IL1RAPL2: variants seen among roughly 807,000 people sequenced by gnomAD.
IL1RAPL2 encodes interleukin 1 receptor accessory protein like 2.
In IL1RAPL2, 3 loss-of-function variants were observed where a neutral mutation model predicts 44.1. That is an observed-to-expected ratio of 0.07 (90% CI 0.03 to 0.18). IL1RAPL2 has a LOEUF of 0.18. Among genes scored for constraint, IL1RAPL2 ranks in the 10% least tolerant of loss-of-function variants. The pLI is 1.00. For missense variants in IL1RAPL2, 391 were observed against 496.4 expected (o/e 0.79, Z 2.02); for synonymous variants, 181 against 178.8 (o/e 1.01, Z -0.10).
intron 2 of IL1RAPL2, among the ~76,000 whole-genome samples, chrX:104,905,453 T>C (rs1419222536): frequency 8.9e-6 from 1 of 112,070 alleles, no homozygotes; most frequent in Non-Finnish European, 1.9e-5. Context: ...CATTTAAGTC[T>C]TTAATCCATC....
intron 6 of IL1RAPL2, among the ~76,000 whole-genome samples, chrX:105,619,386 T>C (rs997080573): frequency 2.6e-4 from 29 of 111,842 alleles, no homozygotes; most frequent in African/African-American, 9.4e-4. Flanking sequence ...GAGACACCAT[T>C]ACAAAATAAG....
intron 2 of IL1RAPL2, among the ~76,000 whole-genome samples, chrX:105,079,126 C>T (rs930803437): frequency 3.6e-5 from 4 of 111,975 alleles, no homozygotes; most frequent in African/African-American, 1.3e-4. Flanking sequence ...GCATCTCTCA[C>T]GCTGGGAGCT....
intron 2 of IL1RAPL2, among the ~76,000 whole-genome samples, chrX:104,788,673 A>G (rs1202292851): frequency 6.2e-5 from 7 of 112,009 alleles, no homozygotes; most frequent in Non-Finnish European, 7.5e-5. Flanking sequence ...AGTAAAGATT[A>G]CCAAGAGCTT....
intron 6 of IL1RAPL2, among the ~76,000 whole-genome samples, chrX:105,553,311 C>T (rs928581339): frequency 1.8e-5 from 2 of 111,632 alleles, no homozygotes; most frequent in African/African-American, 6.5e-5. Context: ...ATATTAGGCC[C>T]CAGAAACCAC....
At chrX:105,217,663 C>T (rs150952179) in intron 3 of IL1RAPL2, among the ~76,000 whole-genome samples, 2,379 of 111,826 alleles carry the variant, frequency 0.021, 65 homozygotes, top group African/African-American at 0.07. Flanking sequence ...ATGTTTATTG[C>T]GGCACTATTC....
intron 1 of IL1RAPL2, among the ~76,000 whole-genome samples, chrX:104,637,539 T>C (rs1929840589): frequency 2.7e-5 from 3 of 111,066 alleles, no homozygotes; most frequent in Admixed American, 1.9e-4. Flanking sequence ...GAAGGGATGT[T>C]GAATTTTATC....
At chrX:104,901,005 C>G (rs1399180775) in intron 2 of IL1RAPL2, among the ~76,000 whole-genome samples, 1 of 111,017 alleles carries the variant, frequency 9.0e-6, no homozygotes, top group Non-Finnish European at 1.9e-5. Context: ...CATGTTCTTA[C>G]TATTCACCAG....
At chrX:105,363,196 C>A (rs752028700) in intron 5 of IL1RAPL2, among the ~76,000 whole-genome samples, 1 of 101,762 alleles carries the variant, frequency 9.8e-6, no homozygotes, top group Non-Finnish European at 2.0e-5. Context: ...GACAGAATAT[C>A]CTCATTTTTT....
intron 2 of IL1RAPL2, among the ~76,000 whole-genome samples, chrX:105,101,170 G>A (rs952997845): frequency 7.2e-5 from 8 of 111,836 alleles, no homozygotes; most frequent in African/African-American, 9.7e-5. Context: ...GCTTAGTGAC[G>A]AAAAAAATGG....
intron 6 of IL1RAPL2, among the ~76,000 whole-genome samples, chrX:105,544,252 A>G (rs2036769778): frequency 1.8e-5 from 2 of 111,505 alleles, no homozygotes; most frequent in Admixed American, 9.5e-5. Context: ...CTGTATATTA[A>G]TTTTTGCATC....
At chrX:104,633,160 T>G (rs1929695259) in intron 1 of IL1RAPL2, among the ~76,000 whole-genome samples, 2 of 112,000 alleles carry the variant, frequency 1.8e-5, no homozygotes, top group African/African-American at 6.5e-5. Context: ...TTTGCATATG[T>G]TGAACCAGCC....
At chrX:104,632,569 G>A (rs960164707) in intron 1 of IL1RAPL2, among the ~76,000 whole-genome samples, 1 of 108,178 alleles carries the variant, frequency 9.2e-6, no homozygotes, top group African/African-American at 3.3e-5. Context: ...TCCCTTGTAA[G>A]TTGGATTCCT....
chrX:105,500,355 A>C (rs1434083627), intron 6 of IL1RAPL2, among the ~76,000 whole-genome samples: 1 of 110,735 alleles, frequency 9.0e-6, no homozygotes. Context: ...AAAAAAAAAA[A>C]CCAAAAATAC....
chrX:105,473,464 T>A (rs2036177995), intron 5 of IL1RAPL2, among the ~76,000 whole-genome samples: 1 of 111,996 alleles, frequency 8.9e-6, no homozygotes, highest in African/African-American at 3.2e-5. Context: ...AAATATCACA[T>A]CACAAATAAT....
chrX:105,109,344 G>A (rs898309548), intron 2 of IL1RAPL2, among the ~76,000 whole-genome samples: 8 of 112,122 alleles, frequency 7.1e-5, no homozygotes, highest in African/African-American at 1.3e-4. Context: ...TACCCAAAAC[G>A]TAGACACTGC....
At chrX:105,076,595 C>T (rs1470942251) in intron 2 of IL1RAPL2, among the ~76,000 whole-genome samples, 1 of 110,835 alleles carries the variant, frequency 9.0e-6, no homozygotes, top group Non-Finnish European at 1.9e-5. Context: ...TCCTGGATAT[C>T]CTTGTTAACT....
chrX:104,867,263 G>A (rs892594975), intron 2 of IL1RAPL2, among the ~76,000 whole-genome samples: 2 of 99,327 alleles, frequency 2.0e-5, no homozygotes, highest in Non-Finnish European at 4.1e-5. Context: ...AAAAAAAATT[G>A]TATAGCCATG....
intron 5 of IL1RAPL2, among the ~76,000 whole-genome samples, chrX:105,470,211 C>G (rs1468781668): frequency 4.5e-5 from 5 of 111,417 alleles, no homozygotes; most frequent in Non-Finnish European, 9.4e-5. Context: ...TTATAAAAAC[C>G]TCATAGGGCT....
chrX:104,832,246 A>AT (rs1272998481), intron 2 of IL1RAPL2, among the ~76,000 whole-genome samples: 2 of 112,004 alleles, frequency 1.8e-5, no homozygotes, highest in Non-Finnish European at 1.9e-5. Flanking sequence ...CAGCCATTTA[A>AT]TTTTTTTGTT....
Sources: allele counts gnomAD v4.1 joint callset (sites outside exome capture counted in the v4.1 genomes callset), GRCh38; gene constraint gnomAD v4.1.1; transcripts MANE v1.5; gene names NCBI Gene and HGNC (gene_info 2026-07-23, HGNC 2026-07-21).